Variants in DNAH8 observed in about 807,000 individuals in gnomAD.
DNAH8 encodes the protein dynein axonemal heavy chain 8, also known as axonemal beta dynein heavy chain 8.
Under a neutral mutation model 562.1 loss-of-function variants are expected in DNAH8, and 382 were observed. The ratio of observed to expected loss-of-function variants is 0.68; its 90% confidence interval spans 0.63 to 0.74. The LOEUF is 0.74. Ranked by LOEUF, DNAH8 falls within the 30% of genes least tolerant of loss-of-function variation. DNAH8 has a pLI of 0.00. For missense variants in DNAH8, 5,203 were observed against 5,620.4 expected (o/e 0.93, Z 2.37); for synonymous variants, 1,881 against 1,919.4 (o/e 0.98, Z 0.52).
intron 15 of DNAH8, among the ~76,000 whole-genome samples, chr6:38,780,469 G>C (rs1426523285): frequency 6.6e-6 from 1 of 152,026 alleles, no homozygotes; most frequent in Non-Finnish European, 1.5e-5. Context: ...ACTGGGTAAA[G>C]AAAAGGTGGT....
At position 38,722,861 on chromosome 6, in the gene DNAH8, C is replaced by G; in HGVS notation, c.52C>G (p.Pro18Ala). 1 of 1,611,176 alleles carries G rather than the reference C, an allele frequency of 6.2e-7. No individual in the cohort carries two copies. Among genetic ancestry groups the G allele is most frequent in the Non-Finnish European group, 8.5e-7 (1 of 1,179,068 alleles). The change falls in exon 2 of 93, where the codon CCC becomes GCC. Residue 18 changes from proline to alanine, a missense_variant. This residue lies in a region of DNAH8 where 556 missense variants were observed against 496.9 expected (regional missense o/e 1.12). Transcript: ENST00000327475. ...CCCTTCTGAGGGAGCAGAGGCTCCT[C>G]CCTCTACGGAAGAGGCTGCCCCTCC... is the stretch of plus-strand genomic sequence containing the variant. ...GAPSEGAEAP[P>A]STEEAAPPRS... is the part of the protein sequence containing the mutation.
rs1255386726 is a variant in DNAH8, at chr6:38,895,912, A to G, written c.8748-121A>G. 8 of 757,658 alleles carry G rather than the reference A, an allele frequency of 1.1e-5. No homozygotes were observed. The East Asian group carries it at 2.1e-4, about 20-fold the overall frequency. The allele number at this position is 757,658 out of a possible 1,614,324, so 46.9% of individuals were successfully genotyped here. Reference sequence around the variant, plus strand: ...CCCTTCTTATCAAAAGGCAGAACATATTGTTTCCCTGTCCTGAATTGAGAA... The same window carrying G: ...CCCTTCTTATCAAAAGGCAGAACATGTTGTTTCCCTGTCCTGAATTGAGAA... On this transcript the variant is annotated intron_variant, in intron 59 of 92. Coordinates refer to ENST00000327475, the MANE Select transcript of DNAH8 (RefSeq NM_001206927.2).
chr6:38,761,384 A>G (rs973674202), intron 10 of DNAH8, among the ~76,000 whole-genome samples: 1 of 149,202 alleles, frequency 6.7e-6, no homozygotes, highest in Non-Finnish European at 1.5e-5. Context: ...TGGTCAGTTC[A>G]TCAATAGAAT....
At chr6:38,910,392 C>T (rs1780799566) in intron 65 of DNAH8, among the ~76,000 whole-genome samples, 1 of 152,232 alleles carries the variant, frequency 6.6e-6, no homozygotes, top group Non-Finnish European at 1.5e-5. Flanking sequence ...GCCTGTTTTT[C>T]TGCATAGAGA....
At chr6:38,996,411 A>G (rs1388446009) in intron 88 of DNAH8, among the ~76,000 whole-genome samples, 1 of 152,086 alleles carries the variant, frequency 6.6e-6, no homozygotes, top group Non-Finnish European at 1.5e-5. Context: ...CATTTATACA[A>G]TTTCTATGTG....
At chr6:38,853,739 AC>A (rs1775953698) in intron 41 of DNAH8, among the ~76,000 whole-genome samples, 1 of 152,106 alleles carries the variant, frequency 6.6e-6, no homozygotes, top group South Asian at 2.1e-4. Context: ...AATGCATCTA[AC>A]CTACCAATCA....
intron 71 of DNAH8, 105 bp downstream of exon 71, chr6:38,921,611 C>T (rs752783935): frequency 4.2e-5 from 53 of 1,261,150 alleles, no homozygotes; most frequent in Non-Finnish European, 5.3e-5. Flanking sequence ...AAAATATTGG[C>T]CAGCATGCCT....
At chr6:38,958,205 C>T (rs892299852) in intron 82 of DNAH8, among the ~76,000 whole-genome samples, 2 of 151,344 alleles carry the variant, frequency 1.3e-5, no homozygotes, top group African/African-American at 4.9e-5. Flanking sequence ...CGGGGTTTCA[C>T]CATGTTAGCC....
chr6:38,920,857 C>T (rs1471481683), intron 70 of DNAH8, among the ~76,000 whole-genome samples: 1 of 152,080 alleles, frequency 6.6e-6, no homozygotes, highest in African/African-American at 2.4e-5. Context: ...CTATACATTG[C>T]TGCATTTTCC....
rs997066797 is a variant in DNAH8 at position 38,956,048 on chromosome 6, G to A, written c.12451+4528G>A. ...CACTAGTGTCTCAGTGCAGAGGCTCGTCTGCCTGCCAACATCGATCTTGGC... is the reference window on the plus strand; with the variant it reads ...CACTAGTGTCTCAGTGCAGAGGCTCATCTGCCTGCCAACATCGATCTTGGC... On this transcript the variant is annotated intron_variant, in intron 82 of 92. Transcript: ENST00000327475. 5.9e-5 allele frequency among the ~76,000 whole-genome samples: 9 copies of A among 152,208 alleles called. No individual in the cohort carries two copies. In the East Asian group the frequency reaches 1.2e-3, roughly 20 times the overall value.
Position 38,817,519 on chromosome 6 carries a change from G to A in DNAH8, c.3523+1862G>A, listed in dbSNP as rs947836260. Among the ~76,000 whole-genome samples, 3 of 152,180 alleles carry A rather than the reference G, an allele frequency of 2.0e-5. 1 individual carries two copies. The highest frequency in any genetic ancestry group is 7.2e-5 in the African/African-American group (3 of 41,416). On this transcript the variant is annotated intron_variant, in intron 26 of 92. Transcript: ENST00000327475. The stretch of plus-strand genomic sequence containing the variant: ...TAAAGGATGAAAAATCTCAGGACTG[G>A]TCTATCTGAATTGGCTTGATGTGTT...
At chr6:38,866,965 T>TA (rs949234394) in intron 47 of DNAH8, 89 bp downstream of exon 47, 3 of 686,020 alleles carry the variant, frequency 4.4e-6, no homozygotes, top group Non-Finnish European at 7.4e-6. Flanking sequence ...ATCAGTGAGT[T>TA]AAAATCTCAT....
intron 91 of DNAH8, among the ~76,000 whole-genome samples, chr6:39,018,503 G>T (rs757289922): frequency 6.6e-6 from 1 of 152,058 alleles, no homozygotes; most frequent in South Asian, 2.1e-4. Context: ...CGGCCCCCTC[G>T]TTGATGACCT....
chr6:38,761,689 A>G lies in DNAH8; in HGVS notation c.1516-13A>G, dbSNP rs1162876900. On this transcript the variant is annotated splice_polypyrimidine_tract_variant and intron_variant, in intron 10 of 92. Transcript: ENST00000327475. ...TTTTACATATAATTATTTTGTACCT[A>G]TATTTATTTCAGGTAACAAATCAAA... The G allele has an allele frequency of 5.9e-6, 8 of 1,352,464 alleles. No individual in the cohort carries two copies. Among genetic ancestry groups the G allele is most frequent in the Non-Finnish European group, 4.1e-6 (4 of 986,476 alleles). 83.8% of individuals were successfully genotyped at this position (1,352,464 alleles called of 1,614,324 possible).
At chr6:38,973,004 G>T (rs918797382) in intron 83 of DNAH8, among the ~76,000 whole-genome samples, 3 of 152,154 alleles carry the variant, frequency 2.0e-5, no homozygotes, top group East Asian at 3.8e-4. Flanking sequence ...GTTCAAGATA[G>T]CTGATTCCTG....
At chr6:39,023,605 A>G (rs1767075055) in intron 91 of DNAH8, among the ~76,000 whole-genome samples, 1 of 152,256 alleles carries the variant, frequency 6.6e-6, no homozygotes, top group African/African-American at 2.4e-5. Context: ...AAAATTATAC[A>G]GGCTTCAAAA....
intron 16 of DNAH8, 94 bp downstream of exon 16, chr6:38,781,467 CCAA>C: frequency 1.4e-6 from 2 of 1,392,382 alleles, no homozygotes; most frequent in Middle Eastern, 2.0e-4. Flanking sequence ...ATTAAAGTAG[CCAA>C]CAACGAGCCA....
chr6:38,949,359 A>G, intron 80 of DNAH8, 93 bp from the exon 81 acceptor site: 1 of 800,918 alleles, frequency 1.2e-6, no homozygotes, highest in South Asian at 1.5e-5. Context: ...ATCTGCCTGT[A>G]AAGAATGACC....
rs70981590 is a variant in DNAH8 at position 38,818,537 on chromosome 6, C to CAAAAAAAAAAAAAAAAAA, written c.3523+2896_3523+2897insAAAAAAAAAAAAAAAAAA. Among the ~76,000 whole-genome samples, 82 of 75,766 alleles carry CAAAAAAAAAAAAAAAAAA rather than the reference C, an allele frequency of 1.1e-3. 2 individuals carry two copies. The highest frequency in any genetic ancestry group is 5.9e-3 in the East Asian group (12 of 2,042). 49.7% of individuals were successfully genotyped at this position (75,766 alleles called of 152,430 possible). ...CAAAATAAGAAAGCAAAAGCAAAAG[C>CAAAAAAAAAAAAAAAAAA]AAAAAAAAAAAAAAAAGAAGATATG... On this transcript the variant is annotated intron_variant, in intron 26 of 92. Coordinates refer to ENST00000327475, the MANE Select transcript of DNAH8 (RefSeq NM_001206927.2).
Sources: gnomAD v4.1 joint callset for allele counts (sites outside exome capture counted in the v4.1 genomes callset) on GRCh38, gnomAD v4.1.1 for gene constraint, gnomAD v4.1.1 regional missense constraint, MANE v1.5 for transcripts, NCBI Gene and HGNC (gene_info 2026-07-23, HGNC 2026-07-21) for gene names.